The following LRRTM4 variants were observed in gnomAD, a reference collection of about 807,000 sequenced individuals.
The protein encoded by LRRTM4 is leucine rich repeat transmembrane neuronal 4.
LRRTM4 carries 25 observed loss-of-function variants against 47.6 expected under a neutral mutation model. The ratio of observed to expected loss-of-function variants is 0.53; its 90% confidence interval spans 0.38 to 0.73. LRRTM4 has a LOEUF of 0.73. Ranked by LOEUF, LRRTM4 falls within the 30% of genes least tolerant of loss-of-function variation. The probability of loss-of-function intolerance (pLI) is 0.00; values close to 1 mark genes in which losing one functional copy is unlikely to be tolerated. For synonymous variants in LRRTM4, 311 were observed against 269.5 expected (o/e 1.15, Z -1.51); for missense variants, 638 against 713.4 (o/e 0.89, Z 1.20).
chr2:77,053,752 G>GA (rs199956023), intron 3 of LRRTM4, among the ~76,000 whole-genome samples: 1,678 of 150,954 alleles, frequency 0.011, 17 homozygotes, highest in South Asian at 0.018. Context: ...ATATAAAACT[G>GA]AAAAAAAAGT....
rs1679556765 is a variant in LRRTM4, at chr2:77,055,042, G to A, written c.1552-306126C>T. On this transcript the variant is annotated intron_variant, in intron 3 of 3. Coordinates refer to ENST00000409884, the MANE Select transcript of LRRTM4 (RefSeq NM_001134745.3). ...CAAGGCTGAGCCAAGAGCAGGGGGA[G>A]CCCTGTGATAGCTGGCTCCCAAGGA... Among the ~76,000 whole-genome samples the A allele has an allele frequency of 2.0e-5, 3 of 152,254 alleles. No homozygotes were observed. In the South Asian group the frequency reaches 6.2e-4, roughly 32 times the overall value.
Position 76,876,711 on chromosome 2 carries a change from A to G in LRRTM4, c.1552-127795T>C, listed in dbSNP as rs115749748. Among the ~76,000 whole-genome samples, 606 of 152,028 alleles carry G rather than the reference A, an allele frequency of 4.0e-3. 3 individuals are homozygous for G. The highest frequency in any genetic ancestry group is 0.014 in the African/African-American group (592 of 41,524). On this transcript the variant is annotated intron_variant, in intron 3 of 3. Transcript: ENST00000409884. ...CACTATTAACATGACTTTTAGATAT[A>G]TCTGGTCCATTTTTTTAATATATCA...
At chr2:76,839,301 C>T (rs184738812) in intron 3 of LRRTM4, among the ~76,000 whole-genome samples, 70 of 152,182 alleles carry the variant, frequency 4.6e-4, no homozygotes, top group African/African-American at 1.6e-3. Context: ...CACAAGATTG[C>T]ATTCACAGTT....
chr2:77,118,449 G>A (rs1671446067), intron 3 of LRRTM4, among the ~76,000 whole-genome samples: 1 of 151,804 alleles, frequency 6.6e-6, no homozygotes, highest in Non-Finnish European at 1.5e-5. Context: ...AAGAGTTGAC[G>A]GGGACACATA....
intron 3 of LRRTM4, among the ~76,000 whole-genome samples, chr2:77,424,601 T>C (rs1045613558): frequency 4.6e-5 from 7 of 152,226 alleles, no homozygotes; most frequent in Non-Finnish European, 8.8e-5. Context: ...TTAGCAACTT[T>C]CTGATGGGTG....
rs572086085 is a variant in LRRTM4, at chr2:76,825,952, T to G, written c.1552-77036A>C. ...GACGTATTTAATTTTTCTGAATATA[T>G]TTTTACAAACCACAAAAGCCTGAAC... is the stretch of plus-strand genomic sequence containing the variant. On this transcript the variant is annotated intron_variant, in intron 3 of 3. Transcript: ENST00000409884. Among the ~76,000 whole-genome samples the G allele has an allele frequency of 7.2e-5, 11 of 151,814 alleles. No homozygotes were observed. The South Asian group carries it at 2.1e-3, about 29-fold the overall frequency.
intron 3 of LRRTM4, among the ~76,000 whole-genome samples, chr2:77,246,031 C>T (rs1160118300): frequency 6.6e-6 from 1 of 152,180 alleles, no homozygotes; most frequent in Non-Finnish European, 1.5e-5. Flanking sequence ...AGCTGAGTTA[C>T]TTATCTTCTC....
chr2:77,518,679 G>T lies in LRRTM4; in HGVS notation c.1190C>A (p.Ser397Tyr), dbSNP rs375790861. The T allele has an allele frequency of 2.2e-5, 36 of 1,613,424 alleles. No homozygotes were observed. Among genetic ancestry groups the T allele is most frequent in the Non-Finnish European group, 3.0e-5 (35 of 1,179,642 alleles). ...PTIFKPDVTQ[S>Y]TFETPSPSPG... ...GGAAGGGCTTGGTGTTTCAAAGGTGGATTGGGTGACGTCAGGTTTGAAGAT... is the reference window on the plus strand; with the variant it reads ...GGAAGGGCTTGGTGTTTCAAAGGTGTATTGGGTGACGTCAGGTTTGAAGAT... Residue 397 changes from serine (S) to tyrosine (Y), a missense_variant, in exon 3 of 4, where the codon TCC becomes TAC. Ser to Tyr is a moderately radical substitution (Grantham distance 144, BLOSUM62 -2). Transcript: ENST00000409884.
chr2:77,343,607 T>A (rs954092125), intron 3 of LRRTM4, among the ~76,000 whole-genome samples: 2 of 151,900 alleles, frequency 1.3e-5, no homozygotes, highest in African/African-American at 2.4e-5. Context: ...TTATTATAGT[T>A]ATTATATAAT....
chr2:77,307,339 A>T (rs1174360603), intron 3 of LRRTM4, among the ~76,000 whole-genome samples: 1 of 151,322 alleles, frequency 6.6e-6, no homozygotes, highest in Non-Finnish European at 1.5e-5. Context: ...TTCTCATTAT[A>T]TTTATCCATC....
chr2:77,458,933 T>C (rs767352304), intron 3 of LRRTM4, among the ~76,000 whole-genome samples: 3 of 151,952 alleles, frequency 2.0e-5, no homozygotes, highest in Non-Finnish European at 4.4e-5. Flanking sequence ...ACCATACCCA[T>C]AGGTTTGTGA....
intron 3 of LRRTM4, among the ~76,000 whole-genome samples, chr2:77,175,850 G>A (rs1225487012): frequency 6.6e-6 from 1 of 152,050 alleles, no homozygotes; most frequent in African/African-American, 2.4e-5. Context: ...AGCAGAGACG[G>A]GTTTTACCAT....
At chr2:76,835,689 T>C (rs1243307072) in intron 3 of LRRTM4, among the ~76,000 whole-genome samples, 3 of 152,090 alleles carry the variant, frequency 2.0e-5, no homozygotes, top group Non-Finnish European at 2.9e-5. Context: ...ACTTGACTAT[T>C]TGCACATTTA....
chr2:76,807,411 T>TATATATAGATACACAC, intron 3 of LRRTM4, among the ~76,000 whole-genome samples: 1 of 86,018 alleles, frequency 1.2e-5, no homozygotes, highest in African/African-American at 6.3e-5. Context: ...TATATACGTA[T>TATATATAGATACACAC]ATATATATAT....
chr2:77,188,892 T>C (rs780295485), intron 3 of LRRTM4, among the ~76,000 whole-genome samples: 10 of 152,188 alleles, frequency 6.6e-5, no homozygotes, highest in Non-Finnish European at 1.2e-4. Context: ...TTCCAAAATA[T>C]GTCTTAAAGT....
At chr2:77,068,573 T>C (rs969222719) in intron 3 of LRRTM4, among the ~76,000 whole-genome samples, 1 of 152,250 alleles carries the variant, frequency 6.6e-6, no homozygotes, top group Non-Finnish European at 1.5e-5. Context: ...ACATTTTCTG[T>C]CTGGCTTCCT....
intron 3 of LRRTM4, among the ~76,000 whole-genome samples, chr2:76,966,445 T>G (rs1558766610): frequency 1.3e-5 from 2 of 151,412 alleles, no homozygotes; most frequent in Non-Finnish European, 3.0e-5. Context: ...TACAGTTTAC[T>G]TAGTAATAAA....
chr2:76,898,689 C>A (rs996883790), intron 3 of LRRTM4, among the ~76,000 whole-genome samples: 1 of 150,836 alleles, frequency 6.6e-6, no homozygotes, highest in African/African-American at 2.4e-5. Flanking sequence ...TCCTGAGCAT[C>A]TGGACGTATT....
At chr2:77,365,013 C>T (rs981660025) in intron 3 of LRRTM4, among the ~76,000 whole-genome samples, 1 of 151,968 alleles carries the variant, frequency 6.6e-6, no homozygotes, top group Non-Finnish European at 1.5e-5. Flanking sequence ...TCTTTCAGTG[C>T]CCAAACCTCT....
Sources: allele counts gnomAD v4.1 joint callset (sites outside exome capture counted in the v4.1 genomes callset), GRCh38; gene constraint gnomAD v4.1.1; transcripts MANE v1.5; gene names NCBI Gene and HGNC (gene_info 2026-07-23, HGNC 2026-07-21).